The following DAB1 variants were observed in gnomAD, a reference collection of about 807,000 sequenced individuals.
The protein encoded by DAB1 is disabled homolog 1.
In DAB1, 15 loss-of-function variants were observed where a neutral mutation model predicts 64.6. That is an observed-to-expected ratio of 0.23 (90% CI 0.16 to 0.36). DAB1 has a LOEUF of 0.36. DAB1 is among the 10% of genes least tolerant of loss of function. The pLI is 1.00. For synonymous variants in DAB1, 235 were observed against 251.9 expected (o/e 0.93, Z 0.64); for missense variants, 596 against 706.7 (o/e 0.84, Z 1.78).
chr1:57,279,566 A>G (rs1671730127), intron 2 of DAB1, among the ~76,000 whole-genome samples: 1 of 152,214 alleles, frequency 6.6e-6, no homozygotes, highest in African/African-American at 2.4e-5. Flanking sequence ...AGGTGGAGGC[A>G]GCCCAAATGT....
intron 1 of DAB1, among the ~76,000 whole-genome samples, chr1:57,345,916 G>T (rs181477966): frequency 6.6e-6 from 1 of 152,274 alleles, no homozygotes; most frequent in Non-Finnish European, 1.5e-5. Flanking sequence ...ACAGAAGAAG[G>T]AATTAACAGG....
At chr1:57,254,904 T>G (rs1000606759) in intron 2 of DAB1, among the ~76,000 whole-genome samples, 1 of 152,256 alleles carries the variant, frequency 6.6e-6, no homozygotes, top group Admixed American at 6.5e-5. Flanking sequence ...CATTCTGCTT[T>G]TCCACTTAGA....
intron 3 of DAB1, among the ~76,000 whole-genome samples, chr1:58,400,585 A>C (rs1048981028): frequency 3.9e-5 from 6 of 152,328 alleles, no homozygotes; most frequent in African/African-American, 1.4e-4. Flanking sequence ...AGGGTGCTAG[A>C]AGAAATGTAT....
At chr1:57,600,554 A>C (rs905247805) in intron 7 of DAB1, among the ~76,000 whole-genome samples, 1 of 152,152 alleles carries the variant, frequency 6.6e-6, no homozygotes, top group Admixed American at 6.5e-5. Flanking sequence ...TGTCAATGCA[A>C]AATGCTTAGA....
intron 3 of DAB1, among the ~76,000 whole-genome samples, chr1:58,496,233 A>G (rs1468670552): frequency 6.6e-6 from 1 of 151,992 alleles, no homozygotes; most frequent in Non-Finnish European, 1.5e-5. Context: ...TTCCGCATCA[A>G]TGAGTCTTTG....
rs147040564 is a variant in DAB1, at chr1:58,213,589, C to T, written n.310-63001G>A. Among the ~76,000 whole-genome samples, 5 of 151,916 alleles carry T rather than the reference C, an allele frequency of 3.3e-5. No homozygotes were observed. In the East Asian group the frequency reaches 5.8e-4, roughly 18 times the overall value. ...CATGAGAACAGCATGGTGGTAACCA[C>T]CACCATGATTTAATTACCTCCCACT... On this transcript the variant is annotated intron_variant and non_coding_transcript_variant, in intron 4 of 20. Coordinates refer to the DAB1 transcript ENST00000485760.
At chr1:57,491,384 C>A (rs1443479807) in intron 7 of DAB1, among the ~76,000 whole-genome samples, 1 of 151,884 alleles carries the variant, frequency 6.6e-6, no homozygotes, top group African/African-American at 2.4e-5. Context: ...GCCGAGATTG[C>A]GCCACTGCAC....
chr1:58,544,738 C>T (rs572821989), intron 1 of DAB1, among the ~76,000 whole-genome samples: 1 of 152,244 alleles, frequency 6.6e-6, no homozygotes, highest in East Asian at 1.9e-4. Flanking sequence ...GGATTACAAG[C>T]ATGCATTACC....
chr1:57,544,402 TTAAG>T (rs1644834568), intron 7 of DAB1, among the ~76,000 whole-genome samples: 2 of 152,308 alleles, frequency 1.3e-5, no homozygotes, highest in South Asian at 4.1e-4. Context: ...CTAACAGAAA[TTAAG>T]TAATTTGCAA....
chr1:57,555,482 C>A lies in DAB1; in HGVS notation n.625+94110G>T, dbSNP rs533395903. Among the ~76,000 whole-genome samples, 31 of 147,812 alleles carry A rather than the reference C, an allele frequency of 2.1e-4. No homozygotes were observed. The South Asian group carries it at 6.6e-3, about 32-fold the overall frequency. ...CTAAACAAACAAACAAAAAAGTATA[C>A]GAAATCACGTCTGAATAAGTCTATG... is the stretch of plus-strand genomic sequence containing the variant. On this transcript the variant is annotated intron_variant and non_coding_transcript_variant, in intron 7 of 20. Coordinates refer to the DAB1 transcript ENST00000485760.
intron 7 of DAB1, among the ~76,000 whole-genome samples, chr1:57,507,655 T>C (rs748567121): frequency 8.5e-5 from 13 of 152,122 alleles, no homozygotes; most frequent in Non-Finnish European, 1.9e-4. Context: ...ACCACATCTT[T>C]CTCCCTTCTT....
chr1:57,729,132 G>C (rs374418954), intron 6 of DAB1, among the ~76,000 whole-genome samples: 2 of 152,322 alleles, frequency 1.3e-5, no homozygotes, highest in South Asian at 4.1e-4. Context: ...AATTCCAATG[G>C]GGAAAACCAG....
rs193176317 is a variant in DAB1, at chr1:58,051,876, T to C, written n.387+98635A>G. The stretch of plus-strand genomic sequence containing the variant: ...GAGAAGTGTCTGTTCATATCCTTTG[T>C]CAACTTTTTGATGGGGTTGTTTTTT... On this transcript the variant is annotated intron_variant and non_coding_transcript_variant, in intron 5 of 20. Coordinates refer to the DAB1 transcript ENST00000485760. Among the ~76,000 whole-genome samples, 763 of 152,268 alleles carry C rather than the reference T, an allele frequency of 5.0e-3. 11 individuals are homozygous for C. Among genetic ancestry groups the C allele is most frequent in the Admixed American group, 0.037 (571 of 15,296 alleles).
chr1:57,731,933 A>C (rs1031087918), intron 6 of DAB1, among the ~76,000 whole-genome samples: 2 of 152,136 alleles, frequency 1.3e-5, no homozygotes, highest in East Asian at 3.8e-4. Flanking sequence ...CCTTCTTCAT[A>C]ATAATATGCA....
intron 2 of DAB1, among the ~76,000 whole-genome samples, chr1:57,182,713 A>AG (rs1253753587): frequency 6.6e-6 from 1 of 152,158 alleles, no homozygotes; most frequent in Non-Finnish European, 1.5e-5. Context: ...TTCTGGAGGC[A>AG]GGGGGACAGC....
At chr1:58,074,581 T>C (rs1411894201) in intron 5 of DAB1, among the ~76,000 whole-genome samples, 4 of 131,492 alleles carry the variant, frequency 3.0e-5, no homozygotes, top group Non-Finnish European at 4.9e-5. Context: ...TATATATATA[T>C]ATATATATAT....
chr1:57,984,931 T>G (rs1421363986), intron 5 of DAB1, among the ~76,000 whole-genome samples: 1 of 151,504 alleles, frequency 6.6e-6, no homozygotes, highest in African/African-American at 2.4e-5. Flanking sequence ...TTTTTTGAGA[T>G]GGAGTCTCAC....
chr1:58,197,969 C>T (rs754441305), intron 4 of DAB1, among the ~76,000 whole-genome samples: 1 of 152,154 alleles, frequency 6.6e-6, no homozygotes, highest in Non-Finnish European at 1.5e-5. Flanking sequence ...GATTGAGATT[C>T]CCAAGTACAG....
Position 58,074,562 on chromosome 1 carries a change from G to GTA in DAB1, n.387+75948_387+75949insTA, listed in dbSNP as rs1322794894. Reference sequence around the variant, plus strand: ...TATATATACACACATATATATATGTGTGTATATATATATATATATATATAT... The same window carrying GTA: ...TATATATACACACATATATATATGTGTATGTATATATATATATATATATATAT... On this transcript the variant is annotated intron_variant and non_coding_transcript_variant, in intron 5 of 20. Coordinates refer to the DAB1 transcript ENST00000485760. 4 of 39,042 alleles carry GTA rather than the reference G, an allele frequency of 1.0e-4. No homozygotes were observed. The East Asian group carries it at 3.3e-3, about 33-fold the overall frequency. The allele number at this position is 39,042 out of a possible 1,614,324, so 2.4% of individuals were successfully genotyped here.
Sources: gnomAD v4.1 joint callset for allele counts (sites outside exome capture counted in the v4.1 genomes callset) on GRCh38, gnomAD v4.1.1 for gene constraint, MANE v1.5 for transcripts, NCBI Gene and HGNC (gene_info 2026-07-23, HGNC 2026-07-21) for gene names.